ATPAF1: variants seen among roughly 807,000 people sequenced by gnomAD.
ATPAF1 encodes the protein ATP synthase mitochondrial F1 complex assembly factor 1, also known as homolog of yeast ATP11.
In ATPAF1, 26 loss-of-function variants were observed where a neutral mutation model predicts 43.9. The observed-to-expected ratio is 0.59, with a 90% CI of 0.43 to 0.82. ATPAF1 has a LOEUF of 0.82. Ranked by LOEUF, ATPAF1 falls within the 40% of genes least tolerant of loss-of-function variation. The probability of loss-of-function intolerance (pLI) is 0.00; values close to 1 mark genes in which losing one functional copy is unlikely to be tolerated. For synonymous variants in ATPAF1, 157 were observed against 168.0 expected, an observed-to-expected ratio of 0.93 and a Z score of 0.50; for missense variants, 366 against 435.0, an observed-to-expected ratio of 0.84 and a Z score of 1.41.
chr1:46,640,721 G>A (rs540237639), intron 8 of ATPAF1, among the ~76,000 whole-genome samples: 92 of 152,338 alleles, frequency 6.0e-4, no homozygotes, highest in Admixed American at 1.2e-3. Context: ...ACTCGTGGGC[G>A]TTATAACAAG....
At chr1:46,637,355 G>C (rs1000131378) in intron 8 of ATPAF1, among the ~76,000 whole-genome samples, 1 of 152,126 alleles carries the variant, frequency 6.6e-6, no homozygotes, top group African/African-American at 2.4e-5. Context: ...ACTCCAGCCT[G>C]GGTAACAGAG....
At chr1:46,633,437 A>G, downstream of ATPAF1, 1 of 214,168 alleles carries the variant, frequency 4.7e-6, no homozygotes, top group South Asian at 6.1e-5. Flanking sequence ...CCCCAAAATT[A>G]GATAGTTTAA....
intron 8 of ATPAF1, among the ~76,000 whole-genome samples, chr1:46,640,623 G>A (rs1296496114): frequency 6.8e-6 from 1 of 146,016 alleles, no homozygotes; most frequent in Non-Finnish European, 1.5e-5. Context: ...AACACAGCGA[G>A]ACTCTGTCTC....
chr1:46,662,189 C>T (rs770232639), intron 2 of ATPAF1, among the ~76,000 whole-genome samples: 6 of 152,082 alleles, frequency 3.9e-5, no homozygotes, highest in Admixed American at 1.3e-4. Context: ...CCACCACGCC[C>T]GGCCTCATAA....
intron 6 of ATPAF1, among the ~76,000 whole-genome samples, chr1:46,646,542 C>T (rs945048367): frequency 6.6e-6 from 1 of 152,128 alleles, no homozygotes; most frequent in Admixed American, 6.5e-5. Context: ...CAGAACAAAA[C>T]AAAAGTATAA....
Position 46,668,214 on chromosome 1 carries a change from C to G in ATPAF1, c.109G>C (p.Gly37Arg), listed in dbSNP as rs1676527774. ...CGCAGCTGCGCGGGTGACACGAGCC[C>G]CAGGCCCAGGGCGCGGCTGCGCACC... The change falls in exon 1 of 9, where the codon GGG becomes CGG. Residue 37 changes from glycine to arginine, a missense_variant. By Grantham distance (125) the Gly-to-Arg change is moderately radical. This residue lies in a region of ATPAF1 where 186 missense variants were observed against 168.5 expected (regional missense o/e 1.10). Transcript: ENST00000574428. The surrounding 1 kb of genome is among the most constrained non-coding windows in gnomAD (Gnocchi z 4.4). 1 of 1,378,586 alleles carries G rather than the reference C, an allele frequency of 7.3e-7. No homozygotes were observed. The allele number at this position is 1,378,586 out of a possible 1,614,324, so 85.4% of individuals were successfully genotyped here.
chr1:46,651,586 C>T (rs1451535211), intron 6 of ATPAF1, among the ~76,000 whole-genome samples: 1 of 151,986 alleles, frequency 6.6e-6, no homozygotes, highest in Non-Finnish European at 1.5e-5. Context: ...CTGACTTCCA[C>T]AATGGTTGAA....
chr1:46,657,654 T>G (rs867432176), intron 4 of ATPAF1, among the ~76,000 whole-genome samples: 1 of 152,156 alleles, frequency 6.6e-6, no homozygotes, highest in Non-Finnish European at 1.5e-5. Flanking sequence ...CCAGACAAGT[T>G]GATTAACTTG....
chr1:46,639,499 T>C (rs527246857), intron 8 of ATPAF1, among the ~76,000 whole-genome samples: 20 of 152,358 alleles, frequency 1.3e-4, no homozygotes, highest in Non-Finnish European at 8.8e-5. Context: ...AATGAAATCA[T>C]CTATTGACAT....
At chr1:46,637,866 A>G (rs1353566885) in intron 8 of ATPAF1, among the ~76,000 whole-genome samples, 1 of 152,200 alleles carries the variant, frequency 6.6e-6, no homozygotes, top group Non-Finnish European at 1.5e-5. Flanking sequence ...GGATGGGCTC[A>G]AGGTCAAGTG....
At chr1:46,636,006 C>T (rs1215066914) in intron 8 of ATPAF1, 36 bp from the exon 9 acceptor site, 4 of 1,602,904 alleles carry the variant, frequency 2.5e-6, no homozygotes, top group Non-Finnish European at 3.4e-6. Flanking sequence ...TCCTTTCTTG[C>T]ACAGGGCCAC....
chr1:46,649,671 C>G (rs1308792886), intron 6 of ATPAF1, among the ~76,000 whole-genome samples: 1 of 152,148 alleles, frequency 6.6e-6, no homozygotes, highest in Non-Finnish European at 1.5e-5. Flanking sequence ...CACCTGTAAT[C>G]CCAGCACTTT....
chr1:46,639,071 T>A (rs1675899079), intron 8 of ATPAF1, among the ~76,000 whole-genome samples: 1 of 152,234 alleles, frequency 6.6e-6, no homozygotes, highest in Admixed American at 6.5e-5. Flanking sequence ...AACTACACAA[T>A]GTTTAGGAAG....
chr1:46,638,805 C>T (rs991260077), intron 8 of ATPAF1, among the ~76,000 whole-genome samples: 5 of 151,756 alleles, frequency 3.3e-5, no homozygotes, highest in African/African-American at 1.2e-4. Context: ...CCTCCTTTTC[C>T]AAGACCCAAT....
intron 1 of ATPAF1, chr1:46,665,730 A>T: frequency 6.5e-7 from 1 of 1,526,760 alleles, no homozygotes; most frequent in Non-Finnish European, 8.7e-7. Flanking sequence ...CTAGGTGTCA[A>T]GCTTTTACTT....
chr1:46,664,894 C>T (rs1052307013), intron 2 of ATPAF1: 8 of 206,470 alleles, frequency 3.9e-5, no homozygotes, highest in East Asian at 1.2e-4. Flanking sequence ...AAGTCCCATT[C>T]CTTCCTCTCT....
intron 6 of ATPAF1, among the ~76,000 whole-genome samples, chr1:46,648,275 C>T (rs1188551541): frequency 2.6e-5 from 4 of 152,130 alleles, no homozygotes; most frequent in Non-Finnish European, 5.9e-5. Context: ...CCACGCCTAG[C>T]TAATTTTTGT....
intron 4 of ATPAF1, among the ~76,000 whole-genome samples, chr1:46,657,885 G>A (rs1379169595): frequency 6.6e-6 from 1 of 152,180 alleles, no homozygotes; most frequent in Non-Finnish European, 1.5e-5. Context: ...ACTGATGAGG[G>A]TTACACGAGA....
At chr1:46,665,116 G>A (rs1400150419) in intron 2 of ATPAF1, 140 bp downstream of exon 2, 10 of 740,578 alleles carry the variant, frequency 1.4e-5, no homozygotes, top group Non-Finnish European at 2.3e-5. Flanking sequence ...AAACATTTAT[G>A]GATGGAAATG....
Sources: allele counts gnomAD v4.1 joint callset (sites outside exome capture counted in the v4.1 genomes callset), GRCh38; gene constraint gnomAD v4.1.1; regional missense constraint gnomAD v4.1.1; non-coding constraint Gnocchi (gnomAD v3.1); transcripts MANE v1.5; gene names NCBI Gene and HGNC (gene_info 2026-07-23, HGNC 2026-07-21).